Variants in ENDOG observed in about 807,000 individuals in gnomAD.
ENDOG encodes endonuclease G, also known as endonuclease G, mitochondrial.
A neutral mutation model predicts 22.6 loss-of-function variants in ENDOG; 22 were observed. The ratio of observed to expected loss-of-function variants is 0.97; its 90% CI spans 0.70 to 1.39. ENDOG has a LOEUF of 1.39. Among genes scored for constraint, ENDOG ranks in the 40% most tolerant of loss-of-function variants. The pLI, the probability that ENDOG is intolerant of heterozygous loss-of-function variation, is 0.00. For missense variants in ENDOG, 403 were observed against 431.3 expected (o/e 0.93, Z 0.58); for synonymous variants, 173 against 200.2 (o/e 0.86, Z 1.15).
intron 2 of ENDOG, 121 bp downstream of exon 2, chr9:128,820,969 C>A: frequency 1.2e-6 from 1 of 858,022 alleles, no homozygotes; most frequent in Non-Finnish European, 1.8e-6. Flanking sequence ...CATCTGGTTT[C>A]TTGGCAAGCC....
chr9:128,822,236 A>G (rs1830133778), intron 2 of ENDOG, 92 bp from the exon 3 acceptor site: 1 of 1,478,584 alleles, frequency 6.8e-7, no homozygotes, highest in South Asian at 1.3e-5. Context: ...GGTTGACAGA[A>G]GTTAGAGGAC....
Position 128,818,703 on chromosome 9 carries a change from G to T in ENDOG, c.19G>T (p.Gly7Cys), listed in dbSNP as rs1270695597. The T allele has an allele frequency of 7.7e-6, 9 of 1,168,748 alleles. No homozygotes were observed. Among genetic ancestry groups the T allele is most frequent in the Non-Finnish European group, 9.5e-6 (9 of 947,736 alleles). The allele number at this position is 1,168,748 out of a possible 1,614,324, so 72.4% of individuals were successfully genotyped here. A position where few individuals can be genotyped will look rare whatever the true frequency, so the allele number is the denominator to read the frequency against. MRALRAGLTLASGAGLG... is the reference protein window; with the variant it reads MRALRACLTLASGAGLG... ...CCCGGCCATGCGGGCGCTGCGGGCC[G>T]GCCTGACCCTGGCGTCGGGCGCGGG... Residue 7 changes from glycine to cysteine, a missense_variant, in exon 1 of 3, where the codon GGC (glycine) becomes TGC (cysteine). By Grantham distance (159) the Gly-to-Cys change is radical. Coordinates refer to ENST00000372642, the MANE Select transcript of ENDOG (RefSeq NM_004435.2).
rs1830042126 is a variant in ENDOG at position 128,818,631 on chromosome 9, C to T, written c.-54C>T. 8.8e-6 allele frequency: 10 copies of T among 1,131,384 alleles called. No individual in the cohort carries two copies. The South Asian group carries it at 3.9e-4, about 44-fold the overall frequency. The allele number at this position is 1,131,384 out of a possible 1,614,324, so 70.1% of individuals were successfully genotyped here. A position where few individuals can be genotyped will look rare whatever the true frequency, so the allele number is the denominator to read the frequency against. ...CCTGTGCCCTCGTTGGATCCCGCGACGCGGCTCCTTTAAGAGCCTCGCGGG... is the reference window on the plus strand; with the variant it reads ...CCTGTGCCCTCGTTGGATCCCGCGATGCGGCTCCTTTAAGAGCCTCGCGGG... On this transcript the variant is annotated 5_prime_UTR_variant, in exon 1 of 3. It adds an upstream start codon to the 5' untranslated region. Transcript: ENST00000372642.
chr9:128,820,921 G>A (rs1376085844), intron 2 of ENDOG, 73 bp downstream of exon 2: 30 of 1,379,006 alleles, frequency 2.2e-5, no homozygotes, highest in Non-Finnish European at 3.0e-5. Flanking sequence ...ACAGGGCCAG[G>A]CTTGCCCCAG....
In ENDOG at chr9:128,820,922, C is replaced by T. The variant is rs532717496; in HGVS notation, c.611+74C>T. The T allele has an allele frequency of 1.2e-5, 16 of 1,375,446 alleles. No homozygotes were observed. In the African/African-American group the frequency reaches 2.2e-4, roughly 19 times the overall value. 85.2% of individuals were successfully genotyped at this position (1,375,446 alleles called of 1,614,324 possible). Reference sequence around the variant, plus strand: ...CCCTACTGCCACTCACAGGGCCAGGCTTGCCCCAGGCTCTGGGTCAATACC... The same window carrying T: ...CCCTACTGCCACTCACAGGGCCAGGTTTGCCCCAGGCTCTGGGTCAATACC... On this transcript the variant is annotated intron_variant, in intron 2 of 2. Coordinates refer to ENST00000372642, the MANE Select transcript of ENDOG (RefSeq NM_004435.2).
Position 128,818,903 on chromosome 9 carries a change from G to A in ENDOG, c.219G>A (p.Ala73=), listed in dbSNP as rs1439928649. The A allele has an allele frequency of 9.5e-6, 14 of 1,471,818 alleles. No homozygotes were observed. The highest frequency in any genetic ancestry group is 1.3e-5 in the Non-Finnish European group (14 of 1,119,828). 91.2% of individuals were successfully genotyped at this position (1,471,818 alleles called of 1,614,324 possible). The change falls in exon 1 of 3, where the codon GCG becomes GCA. Residue 73 remains alanine (A), a synonymous_variant. Transcript: ENST00000372642. ...CCAAGTACGGGCTGCCGGGGCTGGC[G>A]CAGCTCAAGAGCCGCGAGTCGTACG... is the stretch of plus-strand genomic sequence containing the variant. ...ELAKYGLPGL[A]QLKSRESYVL... is the part of the protein sequence containing the mutation.
rs201201300 is a variant in ENDOG, at chr9:128,820,862, C to T, written c.611+14C>T. Reference sequence around the variant, plus strand: ...CTTCCTGCCCAGGTAAGGTGGAAACCAGGGGGGCGGCAGAACCTCCCACTC... The same window carrying T: ...CTTCCTGCCCAGGTAAGGTGGAAACTAGGGGGGCGGCAGAACCTCCCACTC... On this transcript the variant is annotated intron_variant, in intron 2 of 2. Transcript: ENST00000372642. The T allele has an allele frequency of 6.4e-5, 102 of 1,594,736 alleles. 2 individuals carry two copies. The East Asian group carries it at 7.7e-4, about 12-fold the overall frequency.
chr9:128,819,235 C>G, intron 1 of ENDOG, 50 bp downstream of exon 1: 1 of 1,406,694 alleles, frequency 7.1e-7, no homozygotes, highest in Non-Finnish European at 9.2e-7. Flanking sequence ...CGGCGCCTGG[C>G]CTCGCGGGGC....
At chr9:128,819,378 G>A (rs995986546) in intron 1 of ENDOG, among the ~76,000 whole-genome samples, 193 bp downstream of exon 1, 6 of 152,240 alleles carry the variant, frequency 3.9e-5, no homozygotes, top group African/African-American at 1.4e-4. Context: ...CAGGGCTTGA[G>A]CTTCAACTGC....
chr9:128,818,605 C>T lies in ENDOG; in HGVS notation c.-80C>T. 1 of 1,067,648 alleles carries T rather than the reference C, an allele frequency of 9.4e-7. No homozygotes were observed. Among genetic ancestry groups the T allele is most frequent in the Non-Finnish European group, 1.1e-6 (1 of 883,298 alleles). The allele number at this position is 1,067,648 out of a possible 1,614,324, so 66.1% of individuals were successfully genotyped here. A position where few individuals can be genotyped will look rare whatever the true frequency, so the allele number is the denominator to read the frequency against. Reference sequence around the variant, plus strand: ...ACGCTATCGTCCGCGGCCCCAGCAGCCCTGTGCCCTCGTTGGATCCCGCGA... The same window carrying T: ...ACGCTATCGTCCGCGGCCCCAGCAGTCCTGTGCCCTCGTTGGATCCCGCGA... On this transcript the variant is annotated 5_prime_UTR_variant, in exon 1 of 3. Transcript: ENST00000372642.
rs543987654 is a variant in ENDOG at position 128,820,671 on chromosome 9, G to A, written c.502-68G>A. 1,178 of 1,349,650 alleles carry A rather than the reference G, an allele frequency of 8.7e-4. 23 individuals carry two copies. In the South Asian group the frequency reaches 0.013, roughly 15 times the overall value. 83.6% of individuals were successfully genotyped at this position (1,349,650 alleles called of 1,614,324 possible). A position where few individuals can be genotyped will look rare whatever the true frequency, so the allele number is the denominator to read the frequency against. On this transcript the variant is annotated intron_variant, in intron 1 of 2. Transcript: ENST00000372642. ...AGCCTGTCCATCCCCTCAGGACCTG[G>A]GGCGGCCCTCTGATAGAGGAGGAAG...
chr9:128,821,206 C>G (rs1275762575), intron 2 of ENDOG: 1 of 297,736 alleles, frequency 3.4e-6, no homozygotes, highest in East Asian at 8.6e-5. Flanking sequence ...CCCCGCAGGT[C>G]TGCAGTGCAC....
rs1410007758 is a variant in ENDOG, at chr9:128,818,800, GGCTGCCCGT to G, written c.127_135del (p.Leu43_Val45del). Reference sequence around the variant, plus strand: ...CGGGCGGCGCCGGGACTGCTGGGCCGGCTGCCCGTGCTGCCCGTGGCGGCGGCAGCCGAG... The same window carrying G: ...CGGGCGGCGCCGGGACTGCTGGGCCGGCTGCCCGTGGCGGCGGCAGCCGAG... On this transcript the variant is annotated inframe_deletion, in exon 1 of 3. Coordinates refer to ENST00000372642, the MANE Select transcript of ENDOG (RefSeq NM_004435.2). The G allele has an allele frequency of 1.2e-5, 15 of 1,250,236 alleles. No individual in the cohort carries two copies. The highest frequency in any genetic ancestry group is 1.6e-5 in the African/African-American group (1 of 63,542). The allele number at this position is 1,250,236 out of a possible 1,614,324, so 77.4% of individuals were successfully genotyped here.
intron 1 of ENDOG, 138 bp downstream of exon 1, chr9:128,819,323 G>A: frequency 7.7e-7 from 1 of 1,293,366 alleles, no homozygotes; most frequent in Non-Finnish European, 1.0e-6. Context: ...TCCCGTGGCG[G>A]GAGGGAGGAG....
chr9:128,818,931 C>CTG lies in ENDOG; in HGVS notation c.250_251dup (p.Tyr85AlafsTer78). The stretch of plus-strand genomic sequence containing the variant: ...GCTCAAGAGCCGCGAGTCGTACGTG[C>CTG]TGTGCTACGACCCGCGCACCCGCGG... On this transcript the variant is annotated frameshift_variant, in exon 1 of 3. Transcript: ENST00000372642. LOFTEE classifies it high-confidence loss of function. The CTG allele has an allele frequency of 1.3e-6, 2 of 1,489,306 alleles. No individual in the cohort carries two copies. The highest frequency in any genetic ancestry group is 1.8e-6 in the Non-Finnish European group (2 of 1,128,184). The allele number at this position is 1,489,306 out of a possible 1,614,324, so 92.3% of individuals were successfully genotyped here. A position where few individuals can be genotyped will look rare whatever the true frequency, so the allele number is the denominator to read the frequency against.
intron 1 of ENDOG, chr9:128,820,222 A>G (rs1830081434): frequency 6.5e-6 from 1 of 154,552 alleles, no homozygotes; most frequent in African/African-American, 2.4e-5. Context: ...GGAGACTGCC[A>G]TGGGGCTCTG....
At chr9:128,822,010 GGA>G (rs1226566536) in intron 2 of ENDOG, 1 of 376,580 alleles carries the variant, frequency 2.7e-6, no homozygotes, top group Non-Finnish European at 5.0e-6. Context: ...ACCTCTGTGG[GGA>G]GAGATGGACA....
Position 128,822,606 on chromosome 9 carries a change from AGT to A in ENDOG, c.892_893del (p.Ter298ArgfsTer?). On this transcript the variant is annotated frameshift_variant and stop_lost, in exon 3 of 3. Coordinates refer to ENST00000372642, the MANE Select transcript of ENDOG (RefSeq NM_004435.2). LOFTEE classifies it high-confidence loss of function. ...CTCAAGGCCATCACGGCGGGCAGTA[AGT>A]GAGGGTGGAGCCCAGTGAGACTGTG... is the stretch of plus-strand genomic sequence containing the variant. 1 of 1,567,630 alleles carries A rather than the reference AGT, an allele frequency of 6.4e-7. No individual in the cohort carries two copies. Among genetic ancestry groups the A allele is most frequent in the Non-Finnish European group, 8.6e-7 (1 of 1,156,202 alleles).
chr9:128,821,295 C>T lies in ENDOG; in HGVS notation c.611+447C>T, dbSNP rs572853253. On this transcript the variant is annotated intron_variant, in intron 2 of 2. Coordinates refer to ENST00000372642, the MANE Select transcript of ENDOG (RefSeq NM_004435.2). ...TTCCCTCTGCAGGTCCGAGGTGCACCGAGCTCTCCCGCCTTCCCCATGCAG... is the reference window on the plus strand; with the variant it reads ...TTCCCTCTGCAGGTCCGAGGTGCACTGAGCTCTCCCGCCTTCCCCATGCAG... The T allele has an allele frequency of 1.3e-3, 257 of 195,890 alleles. 1 individual carries two copies. Among genetic ancestry groups the T allele is most frequent in the South Asian group, 2.9e-3 (37 of 12,824 alleles). 12.1% of individuals were successfully genotyped at this position (195,890 alleles called of 1,614,324 possible).
Sources: gnomAD v4.1 joint callset for allele counts (sites outside exome capture counted in the v4.1 genomes callset) on GRCh38, gnomAD v4.1.1 for gene constraint, MANE v1.5 for transcripts, NCBI Gene and HGNC (gene_info 2026-07-23, HGNC 2026-07-21) for gene names.